Variants in LRRTM4 observed in about 807,000 individuals in gnomAD.
The protein encoded by LRRTM4 is leucine rich repeat transmembrane neuronal 4, also known as leucine-rich repeat transmembrane neuronal protein 4.
Under a neutral mutation model 47.6 loss-of-function variants are expected in LRRTM4, and 25 were observed. The observed-to-expected ratio is 0.53, with a 90% CI of 0.38 to 0.73. LRRTM4 has a LOEUF of 0.73. LRRTM4 is among the 30% of genes least tolerant of loss of function. The pLI, the probability that LRRTM4 is intolerant of heterozygous loss-of-function variation, is 0.00. For missense variants in LRRTM4, 638 were observed against 713.4 expected (o/e 0.89, Z 1.20); for synonymous variants, 311 against 269.5 (o/e 1.15, Z -1.51).
At chr2:76,967,734 A>C (rs1676075811) in intron 3 of LRRTM4, among the ~76,000 whole-genome samples, 1 of 151,642 alleles carries the variant, frequency 6.6e-6, no homozygotes, top group Admixed American at 6.6e-5. Flanking sequence ...ATTCTAACAC[A>C]TTCTTTGCAG....
At chr2:77,194,617 C>T (rs1673762521) in intron 3 of LRRTM4, among the ~76,000 whole-genome samples, 1 of 152,120 alleles carries the variant, frequency 6.6e-6, no homozygotes, top group African/African-American at 2.4e-5. Context: ...CTGTGAATCT[C>T]CTGTCTCATC....
At chr2:77,403,562 A>AT (rs1674049558) in intron 3 of LRRTM4, among the ~76,000 whole-genome samples, 1 of 151,788 alleles carries the variant, frequency 6.6e-6, no homozygotes. Flanking sequence ...AAATATATTG[A>AT]TTTTTTATTT....
intron 3 of LRRTM4, among the ~76,000 whole-genome samples, chr2:76,959,047 T>C (rs1675768661): frequency 6.6e-6 from 1 of 151,696 alleles, no homozygotes; most frequent in Admixed American, 6.6e-5. Context: ...GCTGAATTGC[T>C]TTTTGGCCAC....
chr2:77,145,094 A>C (rs912918802), intron 3 of LRRTM4, among the ~76,000 whole-genome samples: 2 of 152,150 alleles, frequency 1.3e-5, no homozygotes, highest in African/African-American at 4.8e-5. Context: ...TGACAACATG[A>C]ATAGGAAGAT....
chr2:77,508,552 T>C (rs1678863057), intron 3 of LRRTM4, among the ~76,000 whole-genome samples: 1 of 151,876 alleles, frequency 6.6e-6, no homozygotes, highest in Non-Finnish European at 1.5e-5. Flanking sequence ...ACATTATTAT[T>C]TTGTCTTTTT....
intron 3 of LRRTM4, among the ~76,000 whole-genome samples, chr2:76,825,822 G>A (rs1671175359): frequency 6.6e-6 from 1 of 151,596 alleles, no homozygotes; most frequent in African/African-American, 2.4e-5. Flanking sequence ...TAGTCAAAGG[G>A]AAAGTGCTGG....
chr2:77,517,751 C>A (rs1679269484), intron 3 of LRRTM4: 1 of 984,618 alleles, frequency 1.0e-6, no homozygotes, highest in Non-Finnish European at 1.2e-6. Context: ...CAGTAGGCCT[C>A]TGACATTCTC....
rs192562980 is a variant in LRRTM4, at chr2:77,335,497, G to A, written c.1551+182821C>T. Among the ~76,000 whole-genome samples, 161 of 152,196 alleles carry A rather than the reference G, an allele frequency of 1.1e-3. 1 individual carries two copies. Among genetic ancestry groups the A allele is most frequent in the African/African-American group, 3.0e-3 (124 of 41,540 alleles). ...GCCAATGCTCATCTTCTTTAAGTACGTTCTCAAGTTGCACCTACTCAGAAA... is the reference window on the plus strand; with the variant it reads ...GCCAATGCTCATCTTCTTTAAGTACATTCTCAAGTTGCACCTACTCAGAAA... On this transcript the variant is annotated intron_variant, in intron 3 of 3. Coordinates refer to ENST00000409884, the MANE Select transcript of LRRTM4 (RefSeq NM_001134745.3).
intron 3 of LRRTM4, among the ~76,000 whole-genome samples, chr2:76,920,024 A>C (rs913022500): frequency 1.3e-5 from 2 of 152,088 alleles, no homozygotes; most frequent in Non-Finnish European, 2.9e-5. Flanking sequence ...TTACATGATA[A>C]ACTTTCAATA....
chr2:76,856,105 C>A (rs1357877356), intron 3 of LRRTM4, among the ~76,000 whole-genome samples: 1 of 151,998 alleles, frequency 6.6e-6, no homozygotes, highest in Non-Finnish European at 1.5e-5. Context: ...GGTGAAACCC[C>A]ATCTCTACTA....
intron 3 of LRRTM4, among the ~76,000 whole-genome samples, chr2:76,896,645 G>A (rs2103730008): frequency 6.6e-6 from 1 of 151,806 alleles, no homozygotes; most frequent in African/African-American, 2.4e-5. Flanking sequence ...ATTTAAAACT[G>A]TAGTCTTTTT....
intron 3 of LRRTM4, among the ~76,000 whole-genome samples, chr2:77,072,800 C>CAAAAAAAAAAAAA (rs373786120): frequency 3.0e-4 from 24 of 78,742 alleles, no homozygotes; most frequent in African/African-American, 1.2e-3. Flanking sequence ...CTCCGTCTTC[C>CAAAAAAAAAAAAA]AAAAAAAAAA....
intron 3 of LRRTM4, among the ~76,000 whole-genome samples, chr2:76,801,025 G>A (rs1187586494): frequency 6.8e-6 from 1 of 146,696 alleles, no homozygotes; most frequent in African/African-American, 2.5e-5. Context: ...AGGTGCTGGA[G>A]CGGATGTGGA....
chr2:76,774,124 T>C (rs1018699526), intron 3 of LRRTM4, among the ~76,000 whole-genome samples: 4 of 152,106 alleles, frequency 2.6e-5, no homozygotes, highest in Non-Finnish European at 5.9e-5. Flanking sequence ...ATTTTGTATA[T>C]TATATGCATT....
chr2:77,390,941 A>G (rs1180103469), intron 3 of LRRTM4, among the ~76,000 whole-genome samples: 1 of 151,802 alleles, frequency 6.6e-6, no homozygotes, highest in Admixed American at 6.6e-5. Context: ...CAGAGAAGAA[A>G]TAACTGAAAA....
At position 76,776,603 on chromosome 2, in the gene LRRTM4, T is replaced by C. The variant is rs530259802; in HGVS notation, c.1552-27687A>G. Among the ~76,000 whole-genome samples the C allele has an allele frequency of 2.1e-3, 318 of 152,122 alleles. 1 individual carries two copies. Among genetic ancestry groups the C allele is most frequent in the Non-Finnish European group, 3.4e-3 (228 of 68,004 alleles). ...GACCTTTGCCCACTTTTTGATAGGG[T>C]TGTTTGTTTTTTTCTTGTAAATTTG... On this transcript the variant is annotated intron_variant, in intron 3 of 3. Coordinates refer to ENST00000409884, the MANE Select transcript of LRRTM4 (RefSeq NM_001134745.3).
chr2:77,399,023 C>A (rs1279987071), intron 3 of LRRTM4, among the ~76,000 whole-genome samples: 1 of 151,714 alleles, frequency 6.6e-6, no homozygotes, highest in Admixed American at 6.6e-5. Flanking sequence ...GTTCTCCTGT[C>A]CATCCTGCCA....
chr2:76,989,888 G>C (rs1676943086), intron 3 of LRRTM4: 1 of 151,788 alleles, frequency 6.6e-6, no homozygotes, highest in South Asian at 2.1e-4. Context: ...AATGATAGAA[G>C]CTAATTGTGA....
At position 77,011,875 on chromosome 2, in the gene LRRTM4, C is replaced by T. The variant is rs569434952; in HGVS notation, c.1552-262959G>A. Among the ~76,000 whole-genome samples the T allele has an allele frequency of 1.1e-4, 17 of 151,570 alleles. No individual in the cohort carries two copies. The Middle Eastern group carries it at 0.01, about 91-fold the overall frequency. On this transcript the variant is annotated intron_variant, in intron 3 of 3. Coordinates refer to ENST00000409884, the MANE Select transcript of LRRTM4 (RefSeq NM_001134745.3). Reference sequence around the variant, plus strand: ...GTAAATTTACTGGGGAGATTTTTATCGCTCTTAACCATTCACGTGGTTGAG... The same window carrying T: ...GTAAATTTACTGGGGAGATTTTTATTGCTCTTAACCATTCACGTGGTTGAG...
Sources: allele counts gnomAD v4.1 joint callset (sites outside exome capture counted in the v4.1 genomes callset), GRCh38; gene constraint gnomAD v4.1.1; transcripts MANE v1.5; gene names NCBI Gene and HGNC (gene_info 2026-07-23, HGNC 2026-07-21).